Variants in ARHGAP10 observed in about 807,000 individuals in gnomAD.
The protein encoded by ARHGAP10 is Rho GTPase activating protein 10.
In ARHGAP10, 87 loss-of-function variants were observed where a neutral mutation model predicts 108.6. That is an observed-to-expected ratio of 0.80 (90% confidence interval 0.67 to 0.96). ARHGAP10 has a LOEUF of 0.96. Among genes scored for constraint, ARHGAP10 ranks in the 40% least tolerant of loss-of-function variants. The probability of loss-of-function intolerance (pLI) is 0.00; values close to 1 mark genes in which losing one functional copy is unlikely to be tolerated. For synonymous variants in ARHGAP10, 347 were observed against 341.1 expected, an observed-to-expected ratio of 1.02 and a Z score of -0.19; for missense variants, 939 against 954.5, an observed-to-expected ratio of 0.98 and a Z score of 0.21.
At chr4:148,036,452 C>T (rs1207205994) in intron 19 of ARHGAP10, among the ~76,000 whole-genome samples, 16 of 152,150 alleles carry the variant, frequency 1.1e-4, no homozygotes, top group Non-Finnish European at 1.5e-5. Context: ...GGAGCAGTTA[C>T]CTCCATGTTG....
At chr4:147,744,137 C>T (rs1287465872) in intron 1 of ARHGAP10, among the ~76,000 whole-genome samples, 1 of 152,134 alleles carries the variant, frequency 6.6e-6, no homozygotes, top group East Asian at 1.9e-4. Flanking sequence ...GTATGGGATG[C>T]GATGACTGTA....
intron 15 of ARHGAP10, among the ~76,000 whole-genome samples, chr4:147,949,639 G>A (rs1349024109): frequency 6.8e-6 from 1 of 146,724 alleles, no homozygotes; most frequent in African/African-American, 2.5e-5. Context: ...GAAGGAAAGA[G>A]TAGGTAAGGG....
intron 19 of ARHGAP10, among the ~76,000 whole-genome samples, chr4:148,042,638 C>T (rs1434930627): frequency 6.6e-6 from 1 of 152,196 alleles, no homozygotes; most frequent in Non-Finnish European, 1.5e-5. Context: ...GGTCTGAAAG[C>T]TCCTTGACAT....
intron 20 of ARHGAP10, among the ~76,000 whole-genome samples, chr4:148,059,973 T>TGAGAGA (rs145893430): frequency 6.8e-5 from 10 of 146,166 alleles, no homozygotes; most frequent in African/African-American, 1.5e-4. Context: ...GCCCACTCTT[T>TGAGAGA]GAGAGAGAGA....
At chr4:147,924,949 C>T (rs1336415422) in intron 13 of ARHGAP10, among the ~76,000 whole-genome samples, 1 of 151,322 alleles carries the variant, frequency 6.6e-6, no homozygotes, top group African/African-American at 2.4e-5. Flanking sequence ...ATTTAAGGCT[C>T]TAGGAGATTG....
At chr4:147,982,642 C>G (rs1040768351) in intron 18 of ARHGAP10, among the ~76,000 whole-genome samples, 5 of 145,374 alleles carry the variant, frequency 3.4e-5, no homozygotes, top group African/African-American at 1.3e-4. Flanking sequence ...CTCAAGCAGT[C>G]CTCCTGCCTT....
intron 8 of ARHGAP10, among the ~76,000 whole-genome samples, chr4:147,875,412 G>A (rs573692731): frequency 9.9e-5 from 15 of 152,254 alleles, no homozygotes; most frequent in African/African-American, 2.6e-4. Context: ...TACACTGTGT[G>A]CACCCCAGGA....
chr4:147,935,501 A>G (rs1737886864), intron 13 of ARHGAP10, among the ~76,000 whole-genome samples: 1 of 152,210 alleles, frequency 6.6e-6, no homozygotes, highest in African/African-American at 2.4e-5. Context: ...GCATTTGGAA[A>G]GTGACAGGGA....
At chr4:147,762,966 A>G (rs1729651616) in intron 1 of ARHGAP10, among the ~76,000 whole-genome samples, 1 of 152,164 alleles carries the variant, frequency 6.6e-6, no homozygotes, top group African/African-American at 2.4e-5. Context: ...AAAGACTTTT[A>G]TGGTTAAGGA....
intron 17 of ARHGAP10, 133 bp from the exon 18 acceptor site, chr4:147,966,547 C>T: frequency 1.3e-6 from 1 of 744,720 alleles, no homozygotes; most frequent in Non-Finnish European, 2.1e-6. Context: ...CTGGTTATTT[C>T]AGAGGTAGAT....
intron 1 of ARHGAP10, among the ~76,000 whole-genome samples, chr4:147,819,321 G>A (rs1732387568): frequency 6.6e-6 from 1 of 151,930 alleles, no homozygotes; most frequent in South Asian, 2.1e-4. Flanking sequence ...AAATACATAG[G>A]TAAGTAAATA....
At chr4:148,018,311 C>T (rs1741427351) in intron 18 of ARHGAP10, among the ~76,000 whole-genome samples, 1 of 152,032 alleles carries the variant, frequency 6.6e-6, no homozygotes, top group South Asian at 2.1e-4. Context: ...GACCTGGGCA[C>T]TAAGAGGAAT....
At chr4:148,040,306 T>C (rs1728574797) in intron 19 of ARHGAP10, among the ~76,000 whole-genome samples, 2 of 152,154 alleles carry the variant, frequency 1.3e-5, no homozygotes, top group Non-Finnish European at 2.9e-5. Flanking sequence ...GCTTGGTATA[T>C]TATTATAGAT....
rs893435065 is a variant in ARHGAP10, at chr4:147,746,461, C to T, written c.154+14006C>T. On this transcript the variant is annotated intron_variant, in intron 1 of 22. Coordinates refer to ENST00000336498, the MANE Select transcript of ARHGAP10 (RefSeq NM_024605.4). ...CTTTGCCCAGGCTGGAATGCAGCGGCGCGATCTTGGCTCACTGCAACCTCC... is the reference window on the plus strand; with the variant it reads ...CTTTGCCCAGGCTGGAATGCAGCGGTGCGATCTTGGCTCACTGCAACCTCC... Among the ~76,000 whole-genome samples the T allele has an allele frequency of 6.7e-5, 10 of 149,968 alleles. No individual in the cohort carries two copies. In the East Asian group the frequency reaches 1.4e-3, roughly 21 times the overall value.
At position 147,906,754 on chromosome 4, in the gene ARHGAP10, G is replaced by A. The variant is rs1201361636; in HGVS notation, c.1116+35G>A. 2.5e-6 allele frequency: 4 copies of A among 1,609,598 alleles called. No individual in the cohort carries two copies. In the African/African-American group the frequency reaches 5.3e-5, roughly 22 times the overall value. On this transcript the variant is annotated intron_variant, in intron 11 of 22. Coordinates refer to ENST00000336498, the MANE Select transcript of ARHGAP10 (RefSeq NM_024605.4). Reference sequence around the variant, plus strand: ...ATCAATGGTTGAGTTTTATTTCAAAGCCTTTAGAGTTGACTTGCATTCATT... The same window carrying A: ...ATCAATGGTTGAGTTTTATTTCAAAACCTTTAGAGTTGACTTGCATTCATT...
intron 15 of ARHGAP10, among the ~76,000 whole-genome samples, chr4:147,947,433 G>A (rs535843576): frequency 3.2e-4 from 48 of 150,350 alleles, no homozygotes; most frequent in African/African-American, 9.8e-4. Context: ...ATGAAGTCTC[G>A]CTCTTTTTGC....
intron 20 of ARHGAP10, among the ~76,000 whole-genome samples, chr4:148,060,908 C>A (rs1481129618): frequency 6.6e-6 from 1 of 151,998 alleles, no homozygotes; most frequent in Non-Finnish European, 1.5e-5. Context: ...AGAACTTGAC[C>A]CTGGACAAGG....
chr4:147,887,433 C>T (rs575965949), intron 10 of ARHGAP10, among the ~76,000 whole-genome samples: 2 of 47,106 alleles, frequency 4.2e-5, no homozygotes, highest in East Asian at 2.0e-3. Flanking sequence ...GCTCTTATTT[C>T]ATTCATCTTA....
intron 20 of ARHGAP10, among the ~76,000 whole-genome samples, chr4:148,057,187 C>T (rs1329841827): frequency 1.3e-5 from 2 of 152,222 alleles, no homozygotes; most frequent in African/African-American, 2.4e-5. Context: ...TGCAAGCTGG[C>T]ACTCAGCCAA....
Sources: allele counts gnomAD v4.1 joint callset (sites outside exome capture counted in the v4.1 genomes callset), GRCh38; gene constraint gnomAD v4.1.1; transcripts MANE v1.5; gene names NCBI Gene and HGNC (gene_info 2026-07-23, HGNC 2026-07-21).